Variants in PRKD1 observed in about 807,000 individuals in gnomAD.
PRKD1 encodes the protein serine/threonine-protein kinase D1.
PRKD1 carries 63 observed loss-of-function variants against 95.9 expected under a neutral mutation model. The ratio of observed to expected loss-of-function variants is 0.66; its 90% CI spans 0.54 to 0.81. PRKD1 has a LOEUF of 0.81. Among genes scored for constraint, PRKD1 ranks in the 30% least tolerant of loss-of-function variants. The pLI is 0.00. For synonymous variants in PRKD1, 425 were observed against 423.1 expected (o/e 1.00, Z -0.05); for missense variants, 1,048 against 1,165.3 (o/e 0.90, Z 1.47).
chr14:29,767,138 C>A (rs768980491), intron 1 of PRKD1, among the ~76,000 whole-genome samples: 6 of 152,154 alleles, frequency 3.9e-5, no homozygotes, highest in African/African-American at 7.2e-5. Context: ...TCTCCTGAAT[C>A]TTTTCTTCTC....
chr14:29,745,432 G>C (rs113530590), intron 1 of PRKD1, among the ~76,000 whole-genome samples: 42 of 152,230 alleles, frequency 2.8e-4, no homozygotes, highest in African/African-American at 9.1e-4. Context: ...AACGTGAGCT[G>C]TTTTATCTCA....
At chr14:29,788,174 A>G (rs73259569) in intron 1 of PRKD1, among the ~76,000 whole-genome samples, 6,270 of 152,172 alleles carry the variant, frequency 0.041, 210 homozygotes, top group African/African-American at 0.088. Context: ...TTTTTGAAGG[A>G]GAGTTTTTAT....
chr14:29,694,952 G>A (rs980229973), intron 2 of PRKD1, among the ~76,000 whole-genome samples: 1 of 152,130 alleles, frequency 6.6e-6, no homozygotes, highest in Non-Finnish European at 1.5e-5. Context: ...GGACAGCCGG[G>A]CCAGGCACGG....
chr14:29,735,722 G>C (rs1042062874), intron 1 of PRKD1, among the ~76,000 whole-genome samples: 15 of 152,168 alleles, frequency 9.9e-5, no homozygotes, highest in African/African-American at 2.9e-4. Context: ...CTTTCTTCAA[G>C]AACCCCTCTA....
At chr14:29,796,855 C>T (rs1470189440) in intron 1 of PRKD1, among the ~76,000 whole-genome samples, 4 of 152,092 alleles carry the variant, frequency 2.6e-5, no homozygotes, top group Admixed American at 6.6e-5. Context: ...TGTTGAGTTG[C>T]ACTGCAAAGG....
At chr14:29,580,642 A>C (rs1892726917) in intron 16 of PRKD1, among the ~76,000 whole-genome samples, 1 of 152,094 alleles carries the variant, frequency 6.6e-6, no homozygotes, top group Non-Finnish European at 1.5e-5. Context: ...AACTCTTAAA[A>C]TATCCTTTTT....
At chr14:29,623,466 G>A (rs1377764029) in intron 13 of PRKD1, among the ~76,000 whole-genome samples, 1 of 152,080 alleles carries the variant, frequency 6.6e-6, no homozygotes, top group East Asian at 1.9e-4. Context: ...AATTATGGCA[G>A]GTATATAAAA....
In PRKD1 at chr14:29,897,815, C is replaced by A. The variant is rs545698865; in HGVS notation, c.264+29434G>T. Among the ~76,000 whole-genome samples, 15 of 152,084 alleles carry A rather than the reference C, an allele frequency of 9.9e-5. No homozygotes were observed. The South Asian group carries it at 1.5e-3, about 15-fold the overall frequency. On this transcript the variant is annotated intron_variant, in intron 1 of 17. Transcript: ENST00000331968. ...AAACTTTTCTTTTCAAAAGAAAGTT[C>A]TTTTCTTCAATGGTACTCAATAGTT...
intron 1 of PRKD1, among the ~76,000 whole-genome samples, chr14:29,887,883 C>CA (rs1893785052): frequency 6.6e-6 from 1 of 152,146 alleles, no homozygotes; most frequent in Non-Finnish European, 1.5e-5. Flanking sequence ...ATTCACACAA[C>CA]AAAAAACTGC....
rs1207076980 is a variant in PRKD1 at position 29,577,346 on chromosome 14, C to A, written c.2631G>T (p.Gly877=). 7.4e-6 allele frequency: 12 copies of A among 1,613,608 alleles called. No individual in the cohort carries two copies. Among genetic ancestry groups the A allele is most frequent in the African/African-American group, 1.3e-5 (1 of 74,866 alleles). The change falls in exon 18 of 18, where the codon GGG becomes GGT. Residue 877 remains glycine, a synonymous_variant. Coordinates refer to ENST00000331968, the MANE Select transcript of PRKD1 (RefSeq NM_002742.3). ...TGATCAGGTGTGTGGGGTACTGCAG[C>A]CCCTGCTCGCCTGCATACTTCTCCC... The part of the protein sequence containing the change: ...LRWEKYAGEQ[G]LQYPTHLINP...
intron 2 of PRKD1, among the ~76,000 whole-genome samples, chr14:29,684,605 A>T (rs1368635662): frequency 6.6e-6 from 1 of 152,238 alleles, no homozygotes; most frequent in East Asian, 1.9e-4. Context: ...AAATGAAATC[A>T]AAATTGCACT....
chr14:29,664,463 T>C (rs1882366851), intron 3 of PRKD1, among the ~76,000 whole-genome samples: 1 of 152,180 alleles, frequency 6.6e-6, no homozygotes, highest in African/African-American at 2.4e-5. Context: ...TTCAATATTT[T>C]TAATATTCAT....
chr14:29,762,104 G>T lies in PRKD1; in HGVS notation c.265-36430C>A, dbSNP rs562074959. 2.0e-5 allele frequency among the ~76,000 whole-genome samples: 3 copies of T among 152,226 alleles called. No homozygotes were observed. In the South Asian group the frequency reaches 6.2e-4, roughly 32 times the overall value. On this transcript the variant is annotated intron_variant, in intron 1 of 17. Coordinates refer to ENST00000331968, the MANE Select transcript of PRKD1 (RefSeq NM_002742.3). ...AACAGTGGGGCTCTTGAAAGAAGAT[G>T]GGGGAAGAAGAGGTGCTACAAAGTA...
intron 1 of PRKD1, among the ~76,000 whole-genome samples, chr14:29,764,038 T>C (rs923452821): frequency 6.6e-6 from 1 of 152,136 alleles, no homozygotes; most frequent in African/African-American, 2.4e-5. Context: ...TATAGAGAGT[T>C]TTTTTTTCTT....
intron 1 of PRKD1, among the ~76,000 whole-genome samples, chr14:29,833,339 G>C (rs1395631794): frequency 6.6e-6 from 1 of 151,998 alleles, no homozygotes; most frequent in African/African-American, 2.4e-5. Flanking sequence ...AATATAATTA[G>C]TCAAAATGAT....
At chr14:29,603,417 C>A (rs1029883726) in intron 13 of PRKD1, among the ~76,000 whole-genome samples, 1 of 152,148 alleles carries the variant, frequency 6.6e-6, no homozygotes, top group African/African-American at 2.4e-5. Context: ...AAACAGACTA[C>A]ATAGATCATG....
intron 1 of PRKD1, among the ~76,000 whole-genome samples, chr14:29,750,686 G>C (rs1372229582): frequency 6.6e-6 from 1 of 151,966 alleles, no homozygotes; most frequent in African/African-American, 2.4e-5. Flanking sequence ...TTCACCTAAT[G>C]TGCACATCTT....
At chr14:29,801,775 G>A (rs778136399) in intron 1 of PRKD1, among the ~76,000 whole-genome samples, 26 of 152,116 alleles carry the variant, frequency 1.7e-4, no homozygotes, top group Admixed American at 4.6e-4. Context: ...CGCAACCTCC[G>A]CCTCCCAGGT....
intron 1 of PRKD1, among the ~76,000 whole-genome samples, chr14:29,925,128 A>G (rs1188808463): frequency 6.6e-6 from 1 of 152,172 alleles, no homozygotes; most frequent in Non-Finnish European, 1.5e-5. Flanking sequence ...CTTCTTTGAG[A>G]GAGAGAAGAA....
Sources: gnomAD v4.1 joint callset for allele counts (sites outside exome capture counted in the v4.1 genomes callset) on GRCh38, gnomAD v4.1.1 for gene constraint, MANE v1.5 for transcripts, NCBI Gene and HGNC (gene_info 2026-07-23, HGNC 2026-07-21) for gene names.